Variants in NUP42 observed in about 807,000 individuals in gnomAD.
NUP42 encodes nucleoporin NUP42.
In NUP42, 47 loss-of-function variants were observed where a neutral mutation model predicts 35.9. The observed-to-expected ratio is 1.31, with a 90% CI of 1.04 to 1.67. NUP42 has a LOEUF of 1.67. Among genes scored for constraint, NUP42 ranks in the 40% most tolerant of loss-of-function variants. NUP42 has a pLI of 0.00. For synonymous variants in NUP42, 173 were observed against 173.3 expected (o/e 1.00, Z 0.01); for missense variants, 514 against 492.2 (o/e 1.04, Z -0.42).
intron 2 of NUP42, among the ~76,000 whole-genome samples, chr7:23,186,089 C>T (rs1182019914): frequency 6.6e-6 from 1 of 152,234 alleles, no homozygotes; most frequent in Non-Finnish European, 1.5e-5. Flanking sequence ...CCTATTCAAA[C>T]TGATCTCATT....
intron 3 of NUP42, among the ~76,000 whole-genome samples, chr7:23,191,170 A>G (rs183867256): frequency 1.3e-5 from 2 of 152,338 alleles, no homozygotes; most frequent in Admixed American, 6.5e-5. Flanking sequence ...GTAATATGAC[A>G]GTAAGGCCAG....
At chr7:23,199,120 TCTC>T (rs1786116274) in intron 5 of NUP42, among the ~76,000 whole-genome samples, 1 of 152,200 alleles carries the variant, frequency 6.6e-6, no homozygotes, top group Non-Finnish European at 1.5e-5. Context: ...ACTTTTTTCT[TCTC>T]TTTTCTTTTT....
intron 5 of NUP42, among the ~76,000 whole-genome samples, chr7:23,197,767 C>T (rs1331530893): frequency 1.3e-5 from 2 of 151,694 alleles, no homozygotes; most frequent in East Asian, 3.9e-4. Flanking sequence ...AATGGTAACC[C>T]ATTGTATGGA....
At position 23,182,180 on chromosome 7, in the gene NUP42, G is replaced by A; in HGVS notation, c.95G>A (p.Arg32Gln). 2 of 1,613,320 alleles carry A rather than the reference G, an allele frequency of 1.2e-6. No individual in the cohort carries two copies. The highest frequency in any genetic ancestry group is 1.7e-6 in the Non-Finnish European group (2 of 1,179,664). The change falls in exon 1 of 7, where the codon CGG (arginine) becomes CAG (glutamine). Residue 32 changes from arginine (R) to glutamine (Q), a missense_variant. By Grantham distance (43) the Arg-to-Gln change is conservative. Coordinates refer to ENST00000258742, the MANE Select transcript of NUP42 (RefSeq NM_007342.3). ...GGTGCTAGGGGTGCAGGAGGAGGAC[G>A]GCAGCAACCGCAGCAGCAGCCTTCA... ...HPGARGAGGG[R>Q]QQPQQQPSGN... is the part of the protein sequence containing the mutation.
intron 1 of NUP42, 29 bp from the exon 2 acceptor site, chr7:23,185,041 A>G: frequency 1.3e-6 from 2 of 1,555,268 alleles, no homozygotes; most frequent in Non-Finnish European, 1.8e-6. Context: ...GTTGCTAGTA[A>G]AATTATTTTG....
rs200880793 is a variant in NUP42 at position 23,182,178 on chromosome 7, A to ACGGCAGCAACCG, written c.95_106dup (p.Arg32_Pro35dup). ...CCGGTGCTAGGGGTGCAGGAGGAGG[A>ACGGCAGCAACCG]CGGCAGCAACCGCAGCAGCAGCCTT... On this transcript the variant is annotated inframe_insertion, in exon 1 of 7. Coordinates refer to ENST00000258742, the MANE Select transcript of NUP42 (RefSeq NM_007342.3). The ACGGCAGCAACCG allele has an allele frequency of 0.041, 66,246 of 1,613,078 alleles. 1,670 individuals carry two copies. The highest frequency in any genetic ancestry group is 0.05 in the Non-Finnish European group (58,829 of 1,179,460).
Position 23,200,715 on chromosome 7 carries a change from G to A in NUP42, c.1242G>A (p.Lys414=), listed in dbSNP as rs199932831. 1.9e-6 allele frequency: 3 copies of A among 1,602,304 alleles called. No individual in the cohort carries two copies. Among genetic ancestry groups the A allele is most frequent in the African/African-American group, 2.7e-5 (2 of 74,518 alleles). Residue 414 remains lysine, a synonymous_variant, in exon 7 of 7, where the codon AAG becomes AAA. Coordinates refer to ENST00000258742, the MANE Select transcript of NUP42 (RefSeq NM_007342.3). ...TTACTCTGGGAAAAATTCCATTAAAGCCTCCACCTCTGGAACTTCTAAATG... is the reference window on the plus strand; with the variant it reads ...TTACTCTGGGAAAAATTCCATTAAAACCTCCACCTCTGGAACTTCTAAATG... ...KKFTLGKIPL[K]PPPLELLNV
chr7:23,196,602 A>T (rs1221103041), intron 4 of NUP42, 78 bp from the exon 5 acceptor site: 1 of 1,036,864 alleles, frequency 9.6e-7, no homozygotes, highest in East Asian at 2.4e-5. Flanking sequence ...TTGGCAAAGA[A>T]GTATGTGAAG....
intron 3 of NUP42, chr7:23,188,218 G>C (rs1458308130): frequency 8.0e-7 from 1 of 1,254,742 alleles, no homozygotes; most frequent in Non-Finnish European, 1.0e-6. Flanking sequence ...TTTTCTGTGA[G>C]CATTTGCATT....
chr7:23,195,746 C>G (rs936309857), intron 3 of NUP42, 93 bp from the exon 4 acceptor site: 7 of 736,000 alleles, frequency 9.5e-6, no homozygotes, highest in African/African-American at 5.6e-5. Context: ...ATTTTCTAAT[C>G]AACATTAGAT....
At chr7:23,199,078 T>A (rs1022956775) in intron 5 of NUP42, among the ~76,000 whole-genome samples, 2 of 152,236 alleles carry the variant, frequency 1.3e-5, no homozygotes, top group Admixed American at 1.3e-4. Flanking sequence ...GCATTTTCCA[T>A]GTTAAGCATT....
chr7:23,198,065 GGT>G (rs1786077516), intron 5 of NUP42, among the ~76,000 whole-genome samples: 1 of 151,950 alleles, frequency 6.6e-6, no homozygotes, highest in Admixed American at 6.6e-5. Context: ...TGACCAACAT[GGT>G]GAAACCCGGT....
At chr7:23,195,628 T>C in intron 3 of NUP42, 1 of 414,932 alleles carries the variant, frequency 2.4e-6, no homozygotes, top group East Asian at 4.4e-5. Context: ...TTAGAAAATC[T>C]TCCCCATTTA....
In NUP42 at chr7:23,185,115, A is replaced by T. The variant is rs150791680; in HGVS notation, c.167A>T (p.Asn56Ile). ...GWNTTSQRYS[N>I]VIQPSSFSKS... The stretch of plus-strand genomic sequence containing the variant: ...AATACAACTAGCCAGAGATATTCCA[A>T]TGTCATCCAGCCATCCAGTTTCTCC... Residue 56 changes from asparagine to isoleucine, a missense_variant, in exon 2 of 7, where the codon AAT becomes ATT. Transcript: ENST00000258742. 2 of 1,614,068 alleles carry T rather than the reference A, an allele frequency of 1.2e-6. No individual in the cohort carries two copies. The highest frequency in any genetic ancestry group is 2.7e-5 in the African/African-American group (2 of 74,918).
Position 23,200,650 on chromosome 7 carries a change from C to T in NUP42, c.1177C>T (p.Leu393=). 1.2e-6 allele frequency: 2 copies of T among 1,613,546 alleles called. No homozygotes were observed. The highest frequency in any genetic ancestry group is 2.2e-5 in the East Asian group (1 of 44,854). The part of the protein sequence containing the change: ...DNVLFTPRDK[L]TVEELEQFQS... ...TGTGTTATTCACACCCAGAGATAAA[C>T]TAACAGTAGAAGAACTGGAACAATT... Residue 393 remains leucine (L), a synonymous_variant, in exon 7 of 7, where the codon CTA becomes TTA. Transcript: ENST00000258742.
intron 3 of NUP42, chr7:23,188,343 A>G: frequency 2.6e-6 from 3 of 1,133,316 alleles, no homozygotes; most frequent in East Asian, 4.4e-5. Flanking sequence ...TTCCTTATGA[A>G]TCTTACATTC....
At chr7:23,188,005 TTA>T (rs1785657368) in intron 3 of NUP42, 1 of 1,043,058 alleles carries the variant, frequency 9.6e-7, no homozygotes, top group African/African-American at 1.8e-5. Context: ...TTTTTATTTT[TTA>T]TTTTTATTTT....
At chr7:23,183,178 C>A (rs1785474608) in intron 1 of NUP42, among the ~76,000 whole-genome samples, 1 of 152,108 alleles carries the variant, frequency 6.6e-6, no homozygotes, top group Non-Finnish European at 1.5e-5. Flanking sequence ...TTTTAAAGAT[C>A]GGGTTAATAA....
At chr7:23,184,187 A>T (rs1238851668) in intron 1 of NUP42, among the ~76,000 whole-genome samples, 1 of 152,200 alleles carries the variant, frequency 6.6e-6, no homozygotes, top group African/African-American at 2.4e-5. Flanking sequence ...TTCTGTACAC[A>T]TGTAAATACC....
Sources: allele counts gnomAD v4.1 joint callset (sites outside exome capture counted in the v4.1 genomes callset), GRCh38; gene constraint gnomAD v4.1.1; transcripts MANE v1.5; gene names NCBI Gene and HGNC (gene_info 2026-07-23, HGNC 2026-07-21).